STARD9: variants seen among roughly 807,000 people sequenced by gnomAD.
STARD9 encodes StAR related lipid transfer domain containing 9, also known as stAR-related lipid transfer protein 9.
In STARD9, 346 loss-of-function variants were observed where a neutral mutation model predicts 399.8. The observed-to-expected ratio is 0.87, with a 90% confidence interval of 0.79 to 0.95. The LOEUF (loss-of-function observed/expected upper bound fraction) is 0.95. STARD9 is among the 40% of genes least tolerant of loss of function. The probability of loss-of-function intolerance (pLI) is 0.00; values close to 1 mark genes in which losing one functional copy is unlikely to be tolerated. For synonymous variants in STARD9, 2,203 were observed against 2,143.5 expected, an observed-to-expected ratio of 1.03 and a Z score of -0.77; for missense variants, 5,832 against 5,667.5, an observed-to-expected ratio of 1.03 and a Z score of -0.93.
chr15:42,706,079 A>G (rs1266034190), intron 26 of STARD9, among the ~76,000 whole-genome samples: 1 of 152,152 alleles, frequency 6.6e-6, no homozygotes, highest in East Asian at 1.9e-4. Flanking sequence ...TATGAAATTT[A>G]GGATCACCTT....
intron 15 of STARD9, among the ~76,000 whole-genome samples, chr15:42,668,430 A>C (rs2060144678): frequency 6.6e-6 from 1 of 151,194 alleles, no homozygotes; most frequent in Non-Finnish European, 1.5e-5. Flanking sequence ...GGATAAGCTC[A>C]ATGCTTAGGC....
At chr15:42,579,863 A>G (rs2058131673) in intron 1 of STARD9, among the ~76,000 whole-genome samples, 1 of 152,212 alleles carries the variant, frequency 6.6e-6, no homozygotes, top group African/African-American at 2.4e-5. Context: ...AACACTCTTC[A>G]GAGGTCATTC....
chr15:42,673,725 A>G (rs993601500), intron 16 of STARD9, among the ~76,000 whole-genome samples: 1 of 152,208 alleles, frequency 6.6e-6, no homozygotes, highest in Non-Finnish European at 1.5e-5. Flanking sequence ...CCCGGTTGCC[A>G]TGTTGCTGCC....
At chr15:42,718,203 C>T in intron 30 of STARD9, 24 bp downstream of exon 30, 1 of 1,529,952 alleles carries the variant, frequency 6.5e-7, no homozygotes, top group African/African-American at 1.4e-5. Flanking sequence ...AGGAAGGCTT[C>T]CATGGGGCCT....
chr15:42,625,408 G>A (rs2141871310), intron 3 of STARD9, among the ~76,000 whole-genome samples: 1 of 151,866 alleles, frequency 6.6e-6, no homozygotes, highest in African/African-American at 2.4e-5. Context: ...TCGGCTCACT[G>A]CAACCTCTGC....
At chr15:42,669,485 C>G in intron 16 of STARD9, 148 bp downstream of exon 16, 1 of 612,584 alleles carries the variant, frequency 1.6e-6, no homozygotes, top group East Asian at 2.8e-5. Flanking sequence ...CAGGAAACGT[C>G]TACCTGACAA....
chr15:42,685,538 T>A lies in STARD9; in HGVS notation c.3960T>A (p.Ser1320=). 1.3e-6 allele frequency: 2 copies of A among 1,537,482 alleles called. No individual in the cohort carries two copies. Residue 1320 remains serine (S), a synonymous_variant, in exon 23 of 33, where the codon TCT becomes TCA. Coordinates refer to ENST00000290607, the MANE Select transcript of STARD9 (RefSeq NM_020759.3). The part of the protein sequence containing the change: ...VEPSYSEQAD[S]LQGMQLSRES... ...CAAGCTACTCTGAACAAGCCGACTC[T>A]CTCCAAGGCATGCAGCTTTCAAGAG...
In STARD9 at chr15:42,687,523, A is replaced by G. The variant is rs561481835; in HGVS notation, c.5945A>G (p.Glu1982Gly). The change falls in exon 23 of 33, where the codon GAA becomes GGA. Residue 1982 changes from glutamate (E) to glycine (G), a missense_variant. Glu to Gly is a moderately conservative substitution (Grantham distance 98, BLOSUM62 -2). This residue lies in a region of STARD9 where 5,828 missense variants were observed against 5,651.1 expected (regional missense o/e 1.03). Transcript: ENST00000290607. ...WEGKNETGLL[E>G]KGLRPKDSSE... is the part of the protein sequence containing the mutation. ...GGGAAAAATGAAACTGGGCTTCTTG[A>G]AAAAGGTCTTCGTCCCAAAGATAGC... is the stretch of plus-strand genomic sequence containing the variant. 348 of 1,536,858 alleles carry G rather than the reference A, an allele frequency of 2.3e-4. No individual in the cohort carries two copies. Among genetic ancestry groups the G allele is most frequent in the Admixed American group, 3.5e-4 (18 of 51,000 alleles).
chr15:42,692,867 G>C lies in STARD9; in HGVS notation c.11289G>C (p.Gly3763=), dbSNP rs556892873. 2 of 1,537,132 alleles carry C rather than the reference G, an allele frequency of 1.3e-6. No individual in the cohort carries two copies. Among genetic ancestry groups the C allele is most frequent in the Non-Finnish European group, 8.7e-7 (1 of 1,146,920 alleles). ...AGGGAGCCAATGTGATCCTTGAAGG[G>C]CTAGGCTCAGATACCTCGACTGTGT... The part of the protein sequence containing the change: ...EPQGANVILE[G]LGSDTSTVSQ... The change falls in exon 23 of 33, where the codon GGG becomes GGC. Residue 3763 remains glycine (G), a synonymous_variant. Coordinates refer to ENST00000290607, the MANE Select transcript of STARD9 (RefSeq NM_020759.3).
intron 3 of STARD9, among the ~76,000 whole-genome samples, chr15:42,588,841 C>G: frequency 8.3e-6 from 1 of 120,750 alleles, no homozygotes; most frequent in Non-Finnish European, 1.7e-5. Context: ...GGTGTGTGGA[C>G]AGAGTCTTAG....
chr15:42,617,140 CCAG>C (rs1157935108), intron 3 of STARD9, among the ~76,000 whole-genome samples: 7 of 152,056 alleles, frequency 4.6e-5, no homozygotes, highest in African/African-American at 1.7e-4. Flanking sequence ...AGAGCCGTGC[CCAG>C]CACAGTGTTT....
chr15:42,638,868 C>A, intron 7 of STARD9, 56 bp downstream of exon 7: 1 of 971,152 alleles, frequency 1.0e-6, no homozygotes, highest in South Asian at 1.5e-5. Context: ...GGAAGCTCTC[C>A]TAATGTTCCC....
chr15:42,649,582 G>T (rs372101409), intron 7 of STARD9, among the ~76,000 whole-genome samples: 5 of 144,840 alleles, frequency 3.5e-5, no homozygotes, highest in Non-Finnish European at 6.0e-5. Context: ...TTTTTGAAAC[G>T]AAGTTTTGCT....
intron 25 of STARD9, 117 bp downstream of exon 25, chr15:42,695,440 G>A: frequency 9.9e-7 from 1 of 1,012,344 alleles, no homozygotes. Context: ...GAGGCTGTGG[G>A]ACCCCTGTTG....
At chr15:42,585,328 AT>A (rs1159490147) in intron 2 of STARD9, among the ~76,000 whole-genome samples, 192 bp from the exon 3 acceptor site, 1 of 152,220 alleles carries the variant, frequency 6.6e-6, no homozygotes, top group Non-Finnish European at 1.5e-5. Context: ...TGACAGACAA[AT>A]TTAGTTATCT....
chr15:42,643,977 A>G (rs2059595688), intron 7 of STARD9, among the ~76,000 whole-genome samples: 2 of 152,092 alleles, frequency 1.3e-5, no homozygotes, highest in South Asian at 4.1e-4. Flanking sequence ...ATCTAGTTTA[A>G]TAGTATTGAG....
intron 25 of STARD9, 43 bp downstream of exon 25, chr15:42,695,366 C>T: frequency 6.8e-7 from 1 of 1,476,310 alleles, no homozygotes; most frequent in Non-Finnish European, 9.0e-7. Flanking sequence ...TAGGCCTGGA[C>T]CTCAGACTGG....
chr15:42,593,029 G>A (rs1444041293), intron 3 of STARD9, among the ~76,000 whole-genome samples: 1 of 152,154 alleles, frequency 6.6e-6, no homozygotes, highest in Non-Finnish European at 1.5e-5. Context: ...ATTGTGAGGA[G>A]GAAATGAAAT....
At chr15:42,651,177 A>G in intron 8 of STARD9, 92 bp downstream of exon 8, 1 of 898,472 alleles carries the variant, frequency 1.1e-6, no homozygotes, top group Non-Finnish European at 1.7e-6. Context: ...ATGACACTTA[A>G]AATTGTCTCT....
Sources: gnomAD v4.1 joint callset for allele counts (sites outside exome capture counted in the v4.1 genomes callset) on GRCh38, gnomAD v4.1.1 for gene constraint, gnomAD v4.1.1 regional missense constraint, MANE v1.5 for transcripts, NCBI Gene and HGNC (gene_info 2026-07-23, HGNC 2026-07-21) for gene names.